Variants in TECR observed in about 807,000 individuals in gnomAD.
TECR encodes the protein very-long-chain enoyl-CoA reductase.
TECR carries 19 observed loss-of-function variants against 50.6 expected under a neutral mutation model. The observed-to-expected ratio is 0.38, with a 90% CI of 0.26 to 0.55. The LOEUF (loss-of-function observed/expected upper bound fraction) is 0.55. Ranked by LOEUF, TECR falls within the 20% of genes least tolerant of loss-of-function variation. The pLI is 0.79. For synonymous variants in TECR, 168 were observed against 163.5 expected, an observed-to-expected ratio of 1.03 and a Z score of -0.21; for missense variants, 313 against 408.3, an observed-to-expected ratio of 0.77 and a Z score of 2.01.
Position 14,563,178 on chromosome 19 carries a change from G to A in TECR, c.67-28G>A. ...CTGAGTCTGGGCTCCCCGCAGAGCTGACGTCCCTGCGCCTGTGCTTCCCCC... is the reference window on the plus strand; with the variant it reads ...CTGAGTCTGGGCTCCCCGCAGAGCTAACGTCCCTGCGCCTGTGCTTCCCCC... On this transcript the variant is annotated intron_variant, in intron 2 of 12. Transcript: ENST00000215567. The surrounding 1 kb of genome is among the most constrained non-coding windows in gnomAD (Gnocchi z 5.3). The A allele has an allele frequency of 6.2e-7, 1 of 1,613,862 alleles. No homozygotes were observed. Among genetic ancestry groups the A allele is most frequent in the Non-Finnish European group, 8.5e-7 (1 of 1,179,890 alleles).
intron 1 of TECR, among the ~76,000 whole-genome samples, chr19:14,556,579 G>GT (rs1362891564): frequency 6.6e-6 from 1 of 152,026 alleles, no homozygotes; most frequent in Non-Finnish European, 1.5e-5. Flanking sequence ...GGCTGGCTTG[G>GT]TTTTTTTCAC....
At chr19:14,548,039 C>T (rs1171794629) in intron 1 of TECR, among the ~76,000 whole-genome samples, 2 of 150,838 alleles carry the variant, frequency 1.3e-5, no homozygotes, top group South Asian at 2.1e-4. Context: ...TCTCAGTTCA[C>T]TGCCACCTCT....
chr19:14,558,042 A>G (rs991951783), intron 1 of TECR, among the ~76,000 whole-genome samples: 8 of 152,214 alleles, frequency 5.3e-5, no homozygotes, highest in Non-Finnish European at 7.3e-5. Context: ...GGCGTGAGCC[A>G]CCACGCCCGG....
intron 1 of TECR, among the ~76,000 whole-genome samples, chr19:14,558,971 GC>G (rs1425334688): frequency 4.6e-5 from 7 of 152,126 alleles, no homozygotes; most frequent in African/African-American, 1.4e-4. Context: ...TTGGCCTCAG[GC>G]CTGGGCAGGC....
In TECR at chr19:14,539,140, ATTTTTTTTTTTTTTTT is replaced by A. The variant is rs57801378; in HGVS notation, c.15+9441_15+9456del. Among the ~76,000 whole-genome samples, 297 of 92,554 alleles carry A rather than the reference ATTTTTTTTTTTTTTTT, an allele frequency of 3.2e-3. 3 individuals are homozygous for A. Among genetic ancestry groups the A allele is most frequent in the African/African-American group, 0.013 (295 of 22,022 alleles). 60.7% of individuals were successfully genotyped at this position (92,554 alleles called of 152,430 possible). On this transcript the variant is annotated intron_variant, in intron 1 of 12. Coordinates refer to ENST00000215567, the MANE Select transcript of TECR (RefSeq NM_138501.6). ...AGGCGCCCACCACCACGCCCGGCTA[ATTTTTTTTTTTTTTTT>A]TTTTTTTTTTTGTATTTTTAGTAGA...
chr19:14,557,738 CA>C (rs2073780301), intron 1 of TECR, among the ~76,000 whole-genome samples: 2 of 150,690 alleles, frequency 1.3e-5, no homozygotes, highest in South Asian at 4.2e-4. Flanking sequence ...AGGCATGAGC[CA>C]CCGTGCCCGG....
At chr19:14,548,869 C>G (rs1417990509) in intron 1 of TECR, among the ~76,000 whole-genome samples, 1 of 152,122 alleles carries the variant, frequency 6.6e-6, no homozygotes, top group Non-Finnish European at 1.5e-5. Flanking sequence ...GCCACCGCAT[C>G]CAACCATCTC....
intron 1 of TECR, chr19:14,562,044 T>G: frequency 3.2e-5 from 10 of 314,168 alleles, no homozygotes; most frequent in South Asian, 1.3e-4. Flanking sequence ...CCGTTGAGGG[T>G]TTTGAGGTGA....
In TECR at chr19:14,562,595, T is replaced by TGCACTGGGCCAAGG; in HGVS notation, c.66+31_66+44dup. 6.2e-7 allele frequency: 1 copy of TGCACTGGGCCAAGG among 1,613,984 alleles called. No homozygotes were observed. The highest frequency in any genetic ancestry group is 2.2e-5 in the East Asian group (1 of 44,866). ...GACAAGGTAGGACTGGGGCGTGGGC[T>TGCACTGGGCCAAGG]GCACTGGGCCAAGGGCACTGGGCCC... On this transcript the variant is annotated intron_variant, in intron 2 of 12. Transcript: ENST00000215567.
At chr19:14,542,335 T>A (rs2073121933) in intron 1 of TECR, among the ~76,000 whole-genome samples, 3 of 136,842 alleles carry the variant, frequency 2.2e-5, no homozygotes, top group South Asian at 2.5e-4. Context: ...CAGGGGGCCC[T>A]CATGCCATAG....
Position 14,529,599 on chromosome 19 carries a change from G to A in TECR, c.-98G>A. ...CGGGGCGGACGCAGAGCCGCGTTTA[G>A]TCTATCGCTGCGGTTGCGAGCGCTG... On this transcript the variant is annotated 5_prime_UTR_variant, in exon 1 of 13. Transcript: ENST00000215567. The A allele has an allele frequency of 1.4e-5, 23 of 1,587,062 alleles. No homozygotes were observed. Among genetic ancestry groups the A allele is most frequent in the Non-Finnish European group, 1.9e-5 (22 of 1,156,594 alleles).
intron 1 of TECR, among the ~76,000 whole-genome samples, chr19:14,558,081 C>G (rs2073794093): frequency 6.6e-6 from 1 of 152,140 alleles, no homozygotes; most frequent in Non-Finnish European, 1.5e-5. Flanking sequence ...AAGATTTATC[C>G]TAAACTGGGG....
chr19:14,548,992 C>T (rs984259900), intron 1 of TECR, among the ~76,000 whole-genome samples: 15 of 150,672 alleles, frequency 1.0e-4, no homozygotes, highest in Non-Finnish European at 1.6e-4. Context: ...TTAATTTTCA[C>T]ATATCATGAA....
Position 14,540,835 on chromosome 19 carries a change from T to G in TECR, c.15+11124T>G, listed in dbSNP as rs561065952. On this transcript the variant is annotated intron_variant, in intron 1 of 12. Coordinates refer to ENST00000215567, the MANE Select transcript of TECR (RefSeq NM_138501.6). Reference sequence around the variant, plus strand: ...TGTATCACTATGTCTGGCTGCTTTTTTTTGTTTGTTTGTTTGTTTGAGTTG... The same window carrying G: ...TGTATCACTATGTCTGGCTGCTTTTGTTTGTTTGTTTGTTTGTTTGAGTTG... 5.0e-4 allele frequency among the ~76,000 whole-genome samples: 76 copies of G among 152,198 alleles called. 1 individual carries two copies. The highest frequency in any genetic ancestry group is 1.4e-3 in the African/African-American group (57 of 41,518).
At chr19:14,543,733 C>T (rs1301521597) in intron 1 of TECR, among the ~76,000 whole-genome samples, 2 of 147,122 alleles carry the variant, frequency 1.4e-5, no homozygotes, top group Non-Finnish European at 3.0e-5. Flanking sequence ...CCACCGCGCC[C>T]GGCTATATAT....
intron 1 of TECR, among the ~76,000 whole-genome samples, chr19:14,539,748 A>G (rs894958975): frequency 6.6e-5 from 10 of 151,908 alleles, no homozygotes; most frequent in African/African-American, 2.4e-4. Context: ...CGTGTTACCG[A>G]GCGCTCAGCT....
intron 1 of TECR, among the ~76,000 whole-genome samples, chr19:14,543,412 TATATATA>T (rs1406027302): frequency 2.3e-3 from 23 of 10,060 alleles, no homozygotes; most frequent in Non-Finnish European, 3.2e-3. Flanking sequence ...TATATATATA[TATATATA>T]TTTTTTTTTT....
Position 14,538,428 on chromosome 19 carries a change from C to T in TECR, c.15+8717C>T, listed in dbSNP as rs200928271. ...CACAGGCAGGGTAAAAATCCTTAAG[C>T]GGAGAGGGACCCACGTTAGGCAGGT... On this transcript the variant is annotated intron_variant, in intron 1 of 12. Transcript: ENST00000215567. Among the ~76,000 whole-genome samples the T allele has an allele frequency of 1.1e-4, 17 of 152,196 alleles. No homozygotes were observed. The East Asian group carries it at 1.9e-3, about 17-fold the overall frequency.
intron 1 of TECR, chr19:14,530,146 CCCCT>C (rs1245359653): frequency 9.4e-6 from 2 of 213,298 alleles, no homozygotes; most frequent in Admixed American, 5.3e-5. Context: ...GACCTTTGGA[CCCCT>C]TCCCTCGCCC....
Sources: allele counts gnomAD v4.1 joint callset (sites outside exome capture counted in the v4.1 genomes callset), GRCh38; gene constraint gnomAD v4.1.1; non-coding constraint Gnocchi (gnomAD v3.1); transcripts MANE v1.5; gene names NCBI Gene and HGNC (gene_info 2026-07-23, HGNC 2026-07-21).